The following PRDM16 variants were observed in gnomAD, a reference collection of about 807,000 sequenced individuals.
PRDM16 encodes the protein PR/SET domain 16, also known as histone-lysine N-methyltransferase PRDM16.
Under a neutral mutation model 110.6 loss-of-function variants are expected in PRDM16, and 23 were observed. That is an observed-to-expected ratio of 0.21 (90% CI 0.15 to 0.29). PRDM16 has a LOEUF of 0.29. Ranked by LOEUF, PRDM16 falls within the 10% of genes least tolerant of loss-of-function variation. The probability of loss-of-function intolerance (pLI) is 1.00; values close to 1 mark genes in which losing one functional copy is unlikely to be tolerated. For synonymous variants in PRDM16, 799 were observed against 781.8 expected, an observed-to-expected ratio of 1.02 and a Z score of -0.37; for missense variants, 1,615 against 1,794.3, an observed-to-expected ratio of 0.90 and a Z score of 1.81.
At chr1:3,123,466 C>T (rs779817552) in intron 1 of PRDM16, among the ~76,000 whole-genome samples, 1 of 152,242 alleles carries the variant, frequency 6.6e-6, no homozygotes, top group African/African-American at 2.4e-5. Context: ...GTGGAGCCTG[C>T]GGCCTTCCTG....
intron 1 of PRDM16, among the ~76,000 whole-genome samples, chr1:3,077,603 C>T (rs1447848814): frequency 2.0e-5 from 3 of 152,172 alleles, no homozygotes; most frequent in Admixed American, 6.5e-5. Context: ...GGCTGGGGTG[C>T]TTTACAATGT....
intron 3 of PRDM16, among the ~76,000 whole-genome samples, chr1:3,336,564 G>A (rs970639989): frequency 1.3e-5 from 2 of 152,018 alleles, no homozygotes; most frequent in African/African-American, 4.8e-5. Flanking sequence ...ATGCACATGT[G>A]TGTTGGTGTG....
In PRDM16 at chr1:3,382,010, G is replaced by A. The variant is rs530738973; in HGVS notation, c.439-3142G>A. ...CGTGGGTCTTGGCCAGCCCAGCCTC[G>A]CTCCCTTCCTGTGGCAGAGGAAGAT... On this transcript the variant is annotated intron_variant, in intron 3 of 16. Transcript: ENST00000270722. The surrounding 1 kb of genome is among the most constrained non-coding windows in gnomAD (Gnocchi z 6.6). 1.3e-5 allele frequency among the ~76,000 whole-genome samples: 2 copies of A among 152,318 alleles called. No individual in the cohort carries two copies. The highest frequency in any genetic ancestry group is 6.5e-5 in the Admixed American group (1 of 15,304).
At chr1:3,087,365 C>T (rs959732464) in intron 1 of PRDM16, among the ~76,000 whole-genome samples, 3 of 152,204 alleles carry the variant, frequency 2.0e-5, no homozygotes, top group African/African-American at 7.2e-5. Flanking sequence ...GCACCCAGTG[C>T]ACCACAGAGC....
chr1:3,354,531 C>T (rs916044418), intron 3 of PRDM16, among the ~76,000 whole-genome samples: 2 of 151,944 alleles, frequency 1.3e-5, no homozygotes, highest in East Asian at 3.9e-4. Context: ...TTGGGGTCAT[C>T]CAGGCCCTCA....
At chr1:3,167,533 A>G (rs182983435) in intron 1 of PRDM16, among the ~76,000 whole-genome samples, 1 of 151,482 alleles carries the variant, frequency 6.6e-6, no homozygotes, top group Non-Finnish European at 1.5e-5. Flanking sequence ...GCCAACCCGG[A>G]GCCTCCTCCC....
At chr1:3,174,643 G>C (rs1644065163) in intron 1 of PRDM16, among the ~76,000 whole-genome samples, 1 of 152,188 alleles carries the variant, frequency 6.6e-6, no homozygotes, top group Admixed American at 6.5e-5. Flanking sequence ...CTGGGGGTTT[G>C]CATCTGGTCA....
intron 1 of PRDM16, among the ~76,000 whole-genome samples, chr1:3,122,371 A>G (rs1178243795): frequency 1.3e-5 from 2 of 152,132 alleles, no homozygotes; most frequent in African/African-American, 2.4e-5. Flanking sequence ...AGCCCCCGGA[A>G]TGGCAGATCC....
rs956953203 is a variant in PRDM16 at position 3,435,440 on chromosome 1, C to T, written c.*1629C>T. 10 of 231,312 alleles carry T rather than the reference C, an allele frequency of 4.3e-5. No individual in the cohort carries two copies. The highest frequency in any genetic ancestry group is 2.0e-4 in the African/African-American group (9 of 45,300). 14.3% of individuals were successfully genotyped at this position (231,312 alleles called of 1,614,324 possible). ...CCCCCCATGAATCCTGCTGTCCCTG[C>T]TGCCGTTTACCAGACAATCATATGT... On this transcript the variant is annotated 3_prime_UTR_variant, in exon 17 of 17. Coordinates refer to ENST00000270722, the MANE Select transcript of PRDM16 (RefSeq NM_022114.4).
At chr1:3,133,543 T>A (rs1643377579) in intron 1 of PRDM16, 4 of 152,426 alleles carry the variant, frequency 2.6e-5, no homozygotes, top group Non-Finnish European at 4.4e-5. Flanking sequence ...CTGACAGAAA[T>A]GATGCCCAGC....
Position 3,069,423 on chromosome 1 carries a change from G to T in PRDM16, c.37+127G>T, listed in dbSNP as rs1169280782. 2.6e-5 allele frequency: 4 copies of T among 153,264 alleles called. No homozygotes were observed. The highest frequency in any genetic ancestry group is 5.4e-5 in the Non-Finnish European group (4 of 74,238). 9.5% of individuals were successfully genotyped at this position (153,264 alleles called of 1,614,324 possible). A position where few individuals can be genotyped will look rare whatever the true frequency, so the allele number is the denominator to read the frequency against. The stretch of plus-strand genomic sequence containing the variant: ...GCGGCTCCGGGCCCCCGGCTCGGCC[G>T]CGCGGCCCGGGGGGCTGCTCCGCCT... On this transcript the variant is annotated intron_variant, in intron 1 of 16. Transcript: ENST00000270722. This position sits in a 1 kb window ranked among gnomAD's most constrained non-coding sequence, Gnocchi z 6.1.
At position 3,438,268 on chromosome 1, in the gene PRDM16, A is replaced by T. The variant is rs1296755094; in HGVS notation, c.*4457A>T. 4.5e-5 allele frequency: 9 copies of T among 200,854 alleles called. No individual in the cohort carries two copies. In the East Asian group the frequency reaches 6.9e-4, roughly 15 times the overall value. The allele number at this position is 200,854 out of a possible 1,614,324, so 12.4% of individuals were successfully genotyped here. ...ATTTTTATTAAAAGGAAAATTCTGT[A>T]GATGCACTTATTGAATATGTGATTA... is the stretch of plus-strand genomic sequence containing the variant. On this transcript the variant is annotated 3_prime_UTR_variant, in exon 17 of 17. Coordinates refer to ENST00000270722, the MANE Select transcript of PRDM16 (RefSeq NM_022114.4).
chr1:3,295,642 A>C (rs1641071586), intron 3 of PRDM16, among the ~76,000 whole-genome samples: 1 of 151,994 alleles, frequency 6.6e-6, no homozygotes, highest in Admixed American at 6.5e-5. Context: ...AGCAGACTTG[A>C]CCGCCAGGCT....
chr1:3,322,950 C>T (rs1205672191), intron 3 of PRDM16, among the ~76,000 whole-genome samples: 1 of 152,198 alleles, frequency 6.6e-6, no homozygotes, highest in Admixed American at 6.5e-5. Flanking sequence ...TCTAATCACG[C>T]TCTGGTCACT....
At chr1:3,332,722 C>G (rs571648528) in intron 3 of PRDM16, among the ~76,000 whole-genome samples, 1 of 152,096 alleles carries the variant, frequency 6.6e-6, no homozygotes, top group Non-Finnish European at 1.5e-5. Flanking sequence ...CCCAGCAGCA[C>G]TCACTCCCCA....
intron 3 of PRDM16, among the ~76,000 whole-genome samples, chr1:3,323,518 C>G (rs909183392): frequency 6.6e-6 from 1 of 152,184 alleles, no homozygotes; most frequent in African/African-American, 2.4e-5. Context: ...CCAGGGAGGC[C>G]GGGGAGACAG....
chr1:3,289,629 G>A (rs917075392), intron 3 of PRDM16, among the ~76,000 whole-genome samples: 4 of 152,192 alleles, frequency 2.6e-5, no homozygotes, highest in African/African-American at 9.6e-5. Context: ...GAGCTGGGCG[G>A]GTCCACGGTG....
At chr1:3,247,999 T>A (rs545400635) in intron 3 of PRDM16, among the ~76,000 whole-genome samples, 1 of 152,190 alleles carries the variant, frequency 6.6e-6, no homozygotes, top group South Asian at 2.1e-4. Flanking sequence ...CGCAGCTCCC[T>A]GGAGAGCCCG....
intron 4 of PRDM16, among the ~76,000 whole-genome samples, chr1:3,385,571 A>T (rs1181506634): frequency 6.6e-6 from 1 of 152,180 alleles, no homozygotes; most frequent in East Asian, 1.9e-4. Context: ...AAGAGCAATG[A>T]AGCAGGCAGG....
Sources: gnomAD v4.1 joint callset for allele counts (sites outside exome capture counted in the v4.1 genomes callset) on GRCh38, gnomAD v4.1.1 for gene constraint, Gnocchi (gnomAD v3.1) non-coding constraint, MANE v1.5 for transcripts, NCBI Gene and HGNC (gene_info 2026-07-23, HGNC 2026-07-21) for gene names.